The following INPP5B variants were observed in gnomAD, a reference collection of about 807,000 sequenced individuals.
The protein encoded by INPP5B is type II inositol 1,4,5-trisphosphate 5-phosphatase.
Under a neutral mutation model 118.5 loss-of-function variants are expected in INPP5B, and 90 were observed. The observed-to-expected ratio is 0.76, with a 90% CI of 0.64 to 0.90. The LOEUF (loss-of-function observed/expected upper bound fraction) is 0.90, where lower values mean the gene tolerates loss of function less well. Ranked by LOEUF, INPP5B falls within the 40% of genes least tolerant of loss-of-function variation. The pLI is 0.00. For missense variants in INPP5B, 984 were observed against 1,125.6 expected (o/e 0.87, Z 1.80); for synonymous variants, 385 against 418.9 (o/e 0.92, Z 0.99).
Position 37,889,082 on chromosome 1 carries a change from G to A in INPP5B, c.797+475C>T, listed in dbSNP as rs56952367. On this transcript the variant is annotated intron_variant, in intron 9 of 23. Coordinates refer to ENST00000373024, the MANE Select transcript of INPP5B (RefSeq NM_005540.3). ...CATGTGGGCAACACAGTGCGACCCT[G>A]TCTCTACAAAAATTTAAAAATCAGC... is the stretch of plus-strand genomic sequence containing the variant. 3.4e-3 allele frequency among the ~76,000 whole-genome samples: 518 copies of A among 152,204 alleles called. 2 individuals carry two copies. Among genetic ancestry groups the A allele is most frequent in the African/African-American group, 0.012 (496 of 41,544 alleles).
rs1044966876 is a variant in INPP5B, at chr1:37,862,676, C to T, written c.2627-246G>A. 2.6e-5 allele frequency among the ~76,000 whole-genome samples: 4 copies of T among 152,282 alleles called. No individual in the cohort carries two copies. In the South Asian group the frequency reaches 8.3e-4, roughly 32 times the overall value. On this transcript the variant is annotated intron_variant, in intron 23 of 23. Coordinates refer to ENST00000373024, the MANE Select transcript of INPP5B (RefSeq NM_005540.3). ...CTGAATACTACAGGCAATTGTAACA[C>T]AGTGCTAAGTATTTGTGCATCCAAA...
chr1:37,911,064 G>C (rs983800845), intron 7 of INPP5B, among the ~76,000 whole-genome samples: 1 of 152,136 alleles, frequency 6.6e-6, no homozygotes, highest in African/African-American at 2.4e-5. Context: ...TTACACAAGA[G>C]CCGGGACCGC....
chr1:37,915,986 A>G (rs1644847990), intron 7 of INPP5B, among the ~76,000 whole-genome samples: 3 of 152,242 alleles, frequency 2.0e-5, no homozygotes, highest in South Asian at 2.1e-4. Flanking sequence ...CTAGAAGCCA[A>G]ATAAGATCTG....
chr1:37,917,584 A>G (rs1570290474), intron 7 of INPP5B, among the ~76,000 whole-genome samples: 4 of 151,500 alleles, frequency 2.6e-5, no homozygotes, highest in Admixed American at 2.6e-4. Flanking sequence ...TAGGCCTCCC[A>G]AAGTGCTGGG....
At chr1:37,879,192 A>T (rs951213228) in intron 15 of INPP5B, among the ~76,000 whole-genome samples, 8 of 151,306 alleles carry the variant, frequency 5.3e-5, no homozygotes, top group Non-Finnish European at 1.2e-4. Flanking sequence ...GAATTGCTTG[A>T]ACCCGGGAGG....
In INPP5B at chr1:37,868,625, A is replaced by T. The variant is rs780252910; in HGVS notation, c.2188-11T>A. ...TACTGGCATCAGAGTCTGGAAAGCA[A>T]TCAAGATCATGACAGAACTTCTGCC... On this transcript the variant is annotated splice_polypyrimidine_tract_variant and intron_variant, in intron 19 of 23. Transcript: ENST00000373024. The T allele has an allele frequency of 6.4e-7, 1 of 1,562,852 alleles. No individual in the cohort carries two copies. The highest frequency in any genetic ancestry group is 1.4e-5 in the African/African-American group (1 of 73,870).
chr1:37,909,827 A>G (rs1306797069), intron 7 of INPP5B, among the ~76,000 whole-genome samples: 1 of 152,198 alleles, frequency 6.6e-6, no homozygotes, highest in Non-Finnish European at 1.5e-5. Context: ...CCGCTGTGAG[A>G]GAAACCCCAG....
chr1:37,923,053 G>C (rs936210931), intron 7 of INPP5B, among the ~76,000 whole-genome samples: 3 of 152,202 alleles, frequency 2.0e-5, no homozygotes, highest in Admixed American at 1.3e-4. Context: ...GCAACACAGA[G>C]ATGCAGAGCA....
At chr1:37,880,236 A>G (rs1557638621) in intron 14 of INPP5B, 42 bp from the exon 15 acceptor site, 1 of 1,458,216 alleles carries the variant, frequency 6.9e-7, no homozygotes. Context: ...CAGAATAAAA[A>G]GGTCAAACTT....
chr1:37,876,938 CTACT>C (rs1642868373), intron 16 of INPP5B, among the ~76,000 whole-genome samples: 2 of 151,782 alleles, frequency 1.3e-5, no homozygotes, highest in African/African-American at 4.8e-5. Context: ...GTAATCCTAC[CTACT>C]GAGGAGGCTG....
chr1:37,879,157 A>G (rs1326183463), intron 15 of INPP5B, among the ~76,000 whole-genome samples: 2 of 151,922 alleles, frequency 1.3e-5, no homozygotes, highest in Non-Finnish European at 2.9e-5. Flanking sequence ...CTGTAGTCCC[A>G]GCTACTCGGG....
In INPP5B at chr1:37,931,939, C is replaced by T. The variant is rs1183875077; in HGVS notation, c.506G>A (p.Trp169Ter). 2 of 1,614,088 alleles carry T rather than the reference C, an allele frequency of 1.2e-6. No individual in the cohort carries two copies. The highest frequency in any genetic ancestry group is 1.7e-5 in the Admixed American group (1 of 60,020). ...TCCGCCAATTGTCGCGTACCCTGGCCAGGTAACTAGGGCCGAGTTACAACC... is the reference window on the plus strand; with the variant it reads ...TCCGCCAATTGTCGCGTACCCTGGCTAGGTAACTAGGGCCGAGTTACAACC... ...PRGCNSALVT[W>*]PGYATIGGGG... The change falls in exon 7 of 24, where the codon TGG becomes TAG. Residue 169 changes from tryptophan (W) to a stop codon, truncating the protein, a stop_gained. Coordinates refer to ENST00000373024, the MANE Select transcript of INPP5B (RefSeq NM_005540.3). LOFTEE classifies it high-confidence loss of function.
chr1:37,868,529 TC>T lies in INPP5B; in HGVS notation c.2272del (p.Asp758IlefsTer19). ...EIPKELWMMV[D>X]YLYRNAVQQE... is the part of the protein sequence containing the mutation. The stretch of plus-strand genomic sequence containing the variant: ...CTGGACAGCATTTCGGTACAGGTAA[TC>T]AACCATCATCCAGAGCTCTTTGGGG... On this transcript the variant is annotated frameshift_variant, in exon 20 of 24. Coordinates refer to ENST00000373024, the MANE Select transcript of INPP5B (RefSeq NM_005540.3). LOFTEE classifies it high-confidence loss of function. 6.2e-7 allele frequency: 1 copy of T among 1,613,850 alleles called. No individual in the cohort carries two copies.
At chr1:37,943,173 T>C (rs1265894529) in intron 5 of INPP5B, among the ~76,000 whole-genome samples, 1 of 151,970 alleles carries the variant, frequency 6.6e-6, no homozygotes, top group African/African-American at 2.4e-5. Context: ...GCTAATTTTG[T>C]ATTTTTAGTA....
intron 7 of INPP5B, among the ~76,000 whole-genome samples, chr1:37,893,085 CTTTTT>C (rs71053999): frequency 6.1e-5 from 5 of 81,422 alleles, no homozygotes; most frequent in African/African-American, 2.4e-4. Context: ...TTTTCTTTTT[CTTTTT>C]TTTTTTTTTT....
chr1:37,897,752 TAATAA>T (rs1338504817), intron 7 of INPP5B, among the ~76,000 whole-genome samples: 1 of 151,350 alleles, frequency 6.6e-6, no homozygotes, highest in Non-Finnish European at 1.5e-5. Context: ...ATAATAATAA[TAATAA>T]AATAAAATTA....
intron 7 of INPP5B, among the ~76,000 whole-genome samples, chr1:37,905,671 G>T (rs949650074): frequency 2.0e-5 from 3 of 152,184 alleles, no homozygotes; most frequent in Admixed American, 6.5e-5. Context: ...ATAGGAATTT[G>T]AAAAGTGCTC....
intron 6 of INPP5B, among the ~76,000 whole-genome samples, chr1:37,937,167 C>G (rs1217000261): frequency 1.3e-5 from 2 of 151,628 alleles, no homozygotes; most frequent in East Asian, 3.9e-4. Context: ...AAAAATTAGC[C>G]AGGCATGGTG....
intron 13 of INPP5B, 30 bp from the exon 14 acceptor site, chr1:37,882,948 G>T (rs189726562): frequency 1.1e-5 from 18 of 1,613,642 alleles, no homozygotes; most frequent in Non-Finnish European, 6.8e-6. Flanking sequence ...AGGTAACAGG[G>T]TTTAGGAGGA....
Sources: gnomAD v4.1 joint callset for allele counts (sites outside exome capture counted in the v4.1 genomes callset) on GRCh38, gnomAD v4.1.1 for gene constraint, MANE v1.5 for transcripts, NCBI Gene and HGNC (gene_info 2026-07-23, HGNC 2026-07-21) for gene names.